MATN2: variants seen among roughly 807,000 people sequenced by gnomAD.
MATN2 encodes the protein matrilin-2.
A neutral mutation model predicts 103.2 loss-of-function variants in MATN2; 69 were observed. That is an observed-to-expected ratio of 0.67 (90% CI 0.55 to 0.82). The LOEUF (loss-of-function observed/expected upper bound fraction) is 0.82, where lower values mean the gene tolerates loss of function less well. MATN2 is among the 40% of genes least tolerant of loss of function. The pLI is 0.00. For synonymous variants in MATN2, 429 were observed against 450.2 expected, an observed-to-expected ratio of 0.95 and a Z score of 0.60; for missense variants, 1,023 against 1,211.5, an observed-to-expected ratio of 0.84 and a Z score of 2.31.
chr8:97,888,225 C>A lies in MATN2; in HGVS notation c.125C>A (p.Pro42Gln), dbSNP rs567767391. The A allele has an allele frequency of 3.5e-5, 55 of 1,565,750 alleles. No individual in the cohort carries two copies. The highest frequency in any genetic ancestry group is 4.5e-5 in the Non-Finnish European group (52 of 1,153,796). Residue 42 changes from proline (P) to glutamine (Q), a missense_variant, in exon 2 of 19, where the codon CCG becomes CAG. By Grantham distance (76) the Pro-to-Gln change is moderately conservative. Coordinates refer to ENST00000254898, the MANE Select transcript of MATN2 (RefSeq NM_002380.5). ...AGGGGCAGACACGCTCGGACCCACC[C>A]GCAGACGGCCCTTCTGGGTGAGTGG... is the stretch of plus-strand genomic sequence containing the variant. ...ISRGRHARTH[P>Q]QTALLESSCE...
chr8:97,912,400 G>A (rs75952382), intron 2 of MATN2, among the ~76,000 whole-genome samples: 3,707 of 152,302 alleles, frequency 0.024, 74 homozygotes, highest in Non-Finnish European at 0.036. Flanking sequence ...CGGAGTCAGC[G>A]AGAGCAGCTG....
At chr8:97,897,711 A>G (rs1818859364) in intron 2 of MATN2, among the ~76,000 whole-genome samples, 1 of 152,138 alleles carries the variant, frequency 6.6e-6, no homozygotes. Flanking sequence ...GGAAACATGG[A>G]CCCCATGGAG....
At chr8:97,930,687 C>T (rs1810150780) in intron 2 of MATN2, 1 of 378,238 alleles carries the variant, frequency 2.6e-6, no homozygotes, top group Non-Finnish European at 4.7e-6. Flanking sequence ...CAATGGCACT[C>T]TCTTGGCTCA....
chr8:97,992,958 T>TAATAATAATAATAATAAC (rs1199866765), intron 6 of MATN2, among the ~76,000 whole-genome samples: 3 of 146,026 alleles, frequency 2.1e-5, no homozygotes, highest in African/African-American at 8.0e-5. Context: ...ATAATAATAA[T>TAATAATAATAATAATAAC]AACAACAATA....
chr8:97,917,693 T>G (rs1306488429), intron 2 of MATN2, among the ~76,000 whole-genome samples: 2 of 152,190 alleles, frequency 1.3e-5, no homozygotes, highest in African/African-American at 4.8e-5. Context: ...ATCACCTCCA[T>G]CTGGGTGTAC....
intron 5 of MATN2, among the ~76,000 whole-genome samples, chr8:97,964,724 C>T (rs1367910992): frequency 6.6e-6 from 1 of 151,884 alleles, no homozygotes; most frequent in Non-Finnish European, 1.5e-5. Context: ...TGTGAGCCAC[C>T]TCGCCTGATG....
At chr8:98,017,364 G>A (rs1813399856) in intron 11 of MATN2, among the ~76,000 whole-genome samples, 1 of 152,224 alleles carries the variant, frequency 6.6e-6, no homozygotes, top group Non-Finnish European at 1.5e-5. Context: ...GCCAGCCCAG[G>A]ACAAGCAGCC....
chr8:98,030,781 G>A (rs1424901694), intron 15 of MATN2, among the ~76,000 whole-genome samples, 167 bp downstream of exon 15: 1 of 152,032 alleles, frequency 6.6e-6, no homozygotes, highest in African/African-American at 2.4e-5. Flanking sequence ...TCATGCTTCA[G>A]CCTCCCGAGA....
At chr8:97,891,877 G>A (rs1301311902) in intron 2 of MATN2, among the ~76,000 whole-genome samples, 1 of 151,966 alleles carries the variant, frequency 6.6e-6, no homozygotes, top group African/African-American at 2.4e-5. Flanking sequence ...TGAGGTGGAA[G>A]GATCACTTGA....
chr8:97,960,193 A>T (rs1220382429), intron 4 of MATN2, among the ~76,000 whole-genome samples: 1 of 152,148 alleles, frequency 6.6e-6, no homozygotes, highest in Non-Finnish European at 1.5e-5. Context: ...CTGACCTCAG[A>T]TGATCCTCCC....
intron 2 of MATN2, among the ~76,000 whole-genome samples, chr8:97,907,343 G>A (rs576042056): frequency 1.5e-4 from 21 of 136,300 alleles, no homozygotes; most frequent in Non-Finnish European, 2.8e-4. Flanking sequence ...ATGGAGTCTC[G>A]CTCTTTCCTC....
chr8:97,935,748 A>G (rs1332691388), intron 3 of MATN2, among the ~76,000 whole-genome samples: 1 of 152,218 alleles, frequency 6.6e-6, no homozygotes, highest in Non-Finnish European at 1.5e-5. Flanking sequence ...TCTGCCTCCC[A>G]AAGTGCTGGG....
intron 7 of MATN2, among the ~76,000 whole-genome samples, chr8:97,997,248 C>T (rs1021608354): frequency 2.0e-5 from 3 of 152,182 alleles, no homozygotes; most frequent in African/African-American, 4.8e-5. Context: ...CCCACGGGTT[C>T]GACTGAGCCA....
At chr8:97,913,841 C>T (rs1157776853) in intron 2 of MATN2, among the ~76,000 whole-genome samples, 1 of 152,210 alleles carries the variant, frequency 6.6e-6, no homozygotes, top group African/African-American at 2.4e-5. Flanking sequence ...CCTCGAACTC[C>T]TGACCTCAGC....
rs568455747 is a variant in MATN2, at chr8:98,025,726, A to T, written c.1943-1690A>T. On this transcript the variant is annotated intron_variant, in intron 13 of 18. Coordinates refer to ENST00000254898, the MANE Select transcript of MATN2 (RefSeq NM_002380.5). ...GCGCCATTGTACTCCAGCCTGGGCG[A>T]CACAGCAAGACTCTGTCTCAAAAAA... 121 of 436,882 alleles carry T rather than the reference A, an allele frequency of 2.8e-4. 1 individual carries two copies. Among genetic ancestry groups the T allele is most frequent in the South Asian group, 1.9e-3 (120 of 62,484 alleles). 27.1% of individuals were successfully genotyped at this position (436,882 alleles called of 1,614,324 possible). A position where few individuals can be genotyped will look rare whatever the true frequency, so the allele number is the denominator to read the frequency against.
intron 1 of MATN2, among the ~76,000 whole-genome samples, chr8:97,880,647 T>G (rs1434933107): frequency 6.6e-6 from 1 of 152,222 alleles, no homozygotes; most frequent in Non-Finnish European, 1.5e-5. Flanking sequence ...AAAAGCTAAC[T>G]TAACTCTTTG....
At chr8:97,887,744 A>G (rs1359124915) in intron 1 of MATN2, 1 of 164,442 alleles carries the variant, frequency 6.1e-6, no homozygotes, top group African/African-American at 2.4e-5. Context: ...TTTTATTCAA[A>G]TCCAAAATGT....
rs771608278 is a variant in MATN2, at chr8:97,994,460, T to C, written c.1082-20T>C. ...TTTATTGATTGGTTTGCCATTCTTG[T>C]GATTTTTCCTTCTTGCCAGAGATAG... is the stretch of plus-strand genomic sequence containing the variant. On this transcript the variant is annotated intron_variant, in intron 6 of 18. Coordinates refer to ENST00000254898, the MANE Select transcript of MATN2 (RefSeq NM_002380.5). 2 of 1,592,752 alleles carry C rather than the reference T, an allele frequency of 1.3e-6. No individual in the cohort carries two copies. The highest frequency in any genetic ancestry group is 2.7e-5 in the African/African-American group (2 of 73,916).
chr8:97,942,575 G>A (rs1432278493), intron 4 of MATN2, among the ~76,000 whole-genome samples: 1 of 152,128 alleles, frequency 6.6e-6, no homozygotes, highest in Non-Finnish European at 1.5e-5. Context: ...TATGGATAAA[G>A]CCACTGAGTT....
Sources: allele counts gnomAD v4.1 joint callset (sites outside exome capture counted in the v4.1 genomes callset), GRCh38; gene constraint gnomAD v4.1.1; transcripts MANE v1.5; gene names NCBI Gene and HGNC (gene_info 2026-07-23, HGNC 2026-07-21).